The following PPCS variants were observed in gnomAD, a reference collection of about 807,000 sequenced individuals.
PPCS encodes the protein phosphopantothenoylcysteine synthetase.
PPCS carries 17 observed loss-of-function variants against 24.6 expected under a neutral mutation model. The observed-to-expected ratio is 0.69, with a 90% CI of 0.47 to 1.04. The LOEUF is 1.04. PPCS is among the 50% of genes least tolerant of loss of function. The pLI is 0.00. For synonymous variants in PPCS, 190 were observed against 168.3 expected, an observed-to-expected ratio of 1.13 and a Z score of -1.00; for missense variants, 360 against 402.8, an observed-to-expected ratio of 0.89 and a Z score of 0.91.
chr1:42,473,123 GA>G (rs1643823030), exon 3 of PPCS: 2 of 1,227,910 alleles, frequency 1.6e-6, no homozygotes, highest in Non-Finnish European at 2.0e-6. Flanking sequence ...TCTATCAAGG[GA>G]AAAGTTCAGT....
rs763038291 is a variant in PPCS at position 42,459,767 on chromosome 1, C to T, written c.777C>T (p.Ile259=). The T allele has an allele frequency of 1.2e-6, 2 of 1,614,028 alleles. No individual in the cohort carries two copies. Among genetic ancestry groups the T allele is most frequent in the African/African-American group, 2.7e-5 (2 of 74,896 alleles). Residue 259 remains isoleucine (I), a synonymous_variant, in exon 3 of 3, where the codon ATC becomes ATT. Coordinates refer to ENST00000372561, the MANE Select transcript of PPCS (RefSeq NM_024664.4). ...AGCATCAAGTGGTGGTGGCTAATATCCTTGAGTCACGACAGTCCTTTGTGT... is the reference window on the plus strand; with the variant it reads ...AGCATCAAGTGGTGGTGGCTAATATTCTTGAGTCACGACAGTCCTTTGTGT... ...IYQHQVVVAN[I]LESRQSFVFI...
Position 42,457,290 on chromosome 1 carries a change from C to T in PPCS, c.552C>T (p.Phe184=), listed in dbSNP as rs1406637444. The change falls in exon 2 of 3, where the codon TTC becomes TTT. Residue 184 remains phenylalanine (F), a synonymous_variant. Coordinates refer to ENST00000372561, the MANE Select transcript of PPCS (RefSeq NM_024664.4). ...ACCTGGCTGCGGCTGTGTCAGATTT[C>T]TATGTTCCTGTCTCTGAAATGCCTG... ...MFYLAAAVSD[F]YVPVSEMPEH... The T allele has an allele frequency of 7.4e-6, 12 of 1,614,094 alleles. No homozygotes were observed. The highest frequency in any genetic ancestry group is 3.3e-5 in the Admixed American group (2 of 60,008).
Position 42,460,973 on chromosome 1 carries a change from A to G in PPCS, c.*1047A>G, listed in dbSNP as rs979003921. Among the ~76,000 whole-genome samples, 5 of 152,222 alleles carry G rather than the reference A, an allele frequency of 3.3e-5. No individual in the cohort carries two copies. On this transcript the variant is annotated 3_prime_UTR_variant, in exon 3 of 3. Transcript: ENST00000372561. ...CTTGAGAATCTTTGAAAAACTTTCA[A>G]TACTTCTCTTGCTGTCCTACGTTTT...
intron 2 of PPCS, among the ~76,000 whole-genome samples, chr1:42,470,354 A>G (rs954481933): frequency 1.3e-5 from 2 of 152,080 alleles, no homozygotes; most frequent in African/African-American, 2.4e-5. Context: ...TAAGACCTGC[A>G]TTGCTGGTAG....
At chr1:42,461,675 T>C (rs1643416126), downstream of PPCS, among the ~76,000 whole-genome samples, 1 of 152,038 alleles carries the variant, frequency 6.6e-6, no homozygotes, top group Non-Finnish European at 1.5e-5. Context: ...GCCTCCCTAG[T>C]AGCTGGGACT....
chr1:42,471,129 T>C (rs1431562786), intron 2 of PPCS, among the ~76,000 whole-genome samples: 1 of 152,172 alleles, frequency 6.6e-6, no homozygotes, highest in African/African-American at 2.4e-5. Context: ...TAAAGATCAC[T>C]GGCTTTGGGA....
Position 42,456,661 on chromosome 1 carries a change from G to C in PPCS, c.96G>C (p.Ala32=). The C allele has an allele frequency of 6.2e-7, 1 of 1,600,088 alleles. No homozygotes were observed. The highest frequency in any genetic ancestry group is 8.5e-7 in the Non-Finnish European group (1 of 1,175,502). The change falls in exon 1 of 3, where the codon GCG becomes GCC. Residue 32 remains alanine, a synonymous_variant. Coordinates refer to ENST00000372561, the MANE Select transcript of PPCS (RefSeq NM_024664.4). The part of the protein sequence containing the change: ...VMARFAARLG[A]QGRRVVLVTS... ...CTCGCTTCGCGGCCAGGCTGGGCGC[G>C]CAGGGCCGGCGGGTGGTGTTGGTTA...
In PPCS at chr1:42,459,658, C is replaced by A. The variant is rs1374120878; in HGVS notation, c.668C>A (p.Pro223His). The change falls in exon 3 of 3, where the codon CCC becomes CAC. Residue 223 changes from proline to histidine, a missense_variant. Physicochemically the swap from Pro to His is moderately conservative, Grantham distance 77. Around this residue, in one of 2 missense-constraint regions of PPCS, gnomAD observed 116 missense variants for 168.1 expected, o/e 0.69. Coordinates refer to ENST00000372561, the MANE Select transcript of PPCS (RefSeq NM_024664.4). ...LLSPLVKDWA[P>H]KAFIISFKLE... The stretch of plus-strand genomic sequence containing the variant: ...TCTCCTTTGGTTAAAGATTGGGCTC[C>A]CAAAGCATTTATAATTTCCTTTAAG... The A allele has an allele frequency of 1.9e-6, 3 of 1,614,100 alleles. No individual in the cohort carries two copies. In the East Asian group the frequency reaches 6.7e-5, roughly 36 times the overall value.
chr1:42,456,744 TC>T lies in PPCS; in HGVS notation c.180del (p.Phe60LeufsTer15). The T allele has an allele frequency of 6.2e-7, 1 of 1,611,376 alleles. No individual in the cohort carries two copies. On this transcript the variant is annotated frameshift_variant, in exon 1 of 3. Coordinates refer to ENST00000372561, the MANE Select transcript of PPCS (RefSeq NM_024664.4). LOFTEE classifies it high-confidence loss of function. ...EARPVRFLDNFSSGRRGATSA... is the reference protein window; with the variant it reads ...EARPVRFLDNXSSGRRGATSA... ...CGGCCGGTGCGCTTCCTGGACAACT[TC>T]AGCAGCGGGCGGCGCGGTGCAACCT...
At chr1:42,459,517 AAATTT>A (rs1643345751) in intron 2 of PPCS, 81 bp from the exon 3 acceptor site, 1 of 1,165,844 alleles carries the variant, frequency 8.6e-7, no homozygotes, top group African/African-American at 1.6e-5. Flanking sequence ...AATCCCACTT[AAATTT>A]AATTCCTTAG....
At position 42,456,643 on chromosome 1, in the gene PPCS, C is replaced by T. The variant is rs1163785310; in HGVS notation, c.78C>T (p.Phe26=). Residue 26 remains phenylalanine, a synonymous_variant, in exon 1 of 3, where the codon TTC becomes TTT. Coordinates refer to ENST00000372561, the MANE Select transcript of PPCS (RefSeq NM_024664.4). ...GCTGGGCTGAGGTTATGGCTCGCTT[C>T]GCGGCCAGGCTGGGCGCGCAGGGCC... is the stretch of plus-strand genomic sequence containing the variant. ...AARWAEVMAR[F]AARLGAQGRR... The T allele has an allele frequency of 1.3e-6, 2 of 1,578,252 alleles. No individual in the cohort carries two copies. Among genetic ancestry groups the T allele is most frequent in the African/African-American group, 2.7e-5 (2 of 74,478 alleles).
At position 42,461,037 on chromosome 1, in the gene PPCS, C is replaced by A. The variant is rs1316087541; in HGVS notation, c.*1111C>A. 6.6e-6 allele frequency among the ~76,000 whole-genome samples: 1 copy of A among 152,186 alleles called. No individual in the cohort carries two copies. The highest frequency in any genetic ancestry group is 6.5e-5 in the Admixed American group (1 of 15,278). ...ACAAGTAGCATAGTGCAAAAAAATT[C>A]CCTAAATGATCTGTAGGATAGTCCA... On this transcript the variant is annotated 3_prime_UTR_variant, in exon 3 of 3. Transcript: ENST00000372561.
Position 42,457,321 on chromosome 1 carries a change from A to T in PPCS, c.583A>T (p.Lys195Ter), listed in dbSNP as rs1358524947. 2 of 1,614,088 alleles carry T rather than the reference A, an allele frequency of 1.2e-6. No homozygotes were observed. The highest frequency in any genetic ancestry group is 2.7e-5 in the African/African-American group (2 of 74,930). Residue 195 changes from lysine (K) to a stop codon, truncating the protein, a stop_gained, in exon 2 of 3, where the codon AAG becomes TAG. Transcript: ENST00000372561. LOFTEE classifies it high-confidence loss of function. ...TCCTGTCTCTGAAATGCCTGAACAC[A>T]AGATCCAGTCATCTGGGGGCCCACT... ...YVPVSEMPEH[K>*]IQSSGGPLQI... is the part of the protein sequence containing the mutation.
rs745443265 is a variant in PPCS at position 42,456,593 on chromosome 1, T to G, written c.28T>G (p.Phe10Val). Residue 10 changes from phenylalanine to valine, a missense_variant, in exon 1 of 3, where the codon TTC (phenylalanine) becomes GTC (valine). Physicochemically the swap from Phe to Val is conservative, Grantham distance 50 (BLOSUM62 -1). Coordinates refer to ENST00000372561, the MANE Select transcript of PPCS (RefSeq NM_024664.4). Reference protein sequence around the residue: MAEMDPVAEFPQPPGAARWA... With the variant: MAEMDPVAEVPQPPGAARWA... ...GGCGGAAATGGATCCGGTAGCCGAG[T>G]TCCCCCAGCCTCCCGGTGCTGCGCG... 1.3e-6 allele frequency: 2 copies of G among 1,504,340 alleles called. No homozygotes were observed. The highest frequency in any genetic ancestry group is 1.4e-5 in the African/African-American group (1 of 71,074). The allele number at this position is 1,504,340 out of a possible 1,614,324, so 93.2% of individuals were successfully genotyped here.
chr1:42,459,335 G>A, intron 2 of PPCS: 1 of 394,572 alleles, frequency 2.5e-6, no homozygotes, highest in Non-Finnish European at 4.6e-6. Context: ...GCTAATTTTT[G>A]TATTTTTTTG....
At position 42,460,474 on chromosome 1, in the gene PPCS, G is replaced by A; in HGVS notation, c.*548G>A. ...TAGTAGGAAAGAAGGATACCTCCCT[G>A]AAGATAGATTGTAGAATGGTGAGCT... On this transcript the variant is annotated 3_prime_UTR_variant, in exon 3 of 3. Coordinates refer to ENST00000372561, the MANE Select transcript of PPCS (RefSeq NM_024664.4). 2.9e-6 allele frequency: 2 copies of A among 682,518 alleles called. No homozygotes were observed. The highest frequency in any genetic ancestry group is 3.6e-6 in the Non-Finnish European group (2 of 552,896). 42.3% of individuals were successfully genotyped at this position (682,518 alleles called of 1,614,324 possible). A position where few individuals can be genotyped will look rare whatever the true frequency, so the allele number is the denominator to read the frequency against.
Position 42,456,981 on chromosome 1 carries a change from C to T in PPCS, c.416C>T (p.Ala139Val). The T allele has an allele frequency of 6.2e-7, 1 of 1,602,946 alleles. No individual in the cohort carries two copies. Residue 139 changes from alanine to valine, a missense_variant, in exon 1 of 3, where the codon GCG (alanine) becomes GTG (valine). By Grantham distance (64) the Ala-to-Val change is moderately conservative. Coordinates refer to ENST00000372561, the MANE Select transcript of PPCS (RefSeq NM_024664.4). ...GCTCTGAGGAGCTACCAGGAGGCTG[C>T]GGCTGCAGGCACCTTCCTGGCAGTA... Reference protein sequence around the residue: ...AEALRSYQEAAAAGTFLAVEF... With the variant: ...AEALRSYQEAVAAGTFLAVEF...
downstream of PPCS, among the ~76,000 whole-genome samples, chr1:42,465,814 A>G (rs532551830): frequency 1.6e-4 from 24 of 152,296 alleles, no homozygotes; most frequent in African/African-American, 5.3e-4. Context: ...TCCATATCTT[A>G]ATATGCACAG....
At position 42,469,518 on chromosome 1, in the gene PPCS, T is replaced by A. The variant is rs145891534; in HGVS notation, n.378-3604T>A. Among the ~76,000 whole-genome samples, 38 of 152,230 alleles carry A rather than the reference T, an allele frequency of 2.5e-4. No individual in the cohort carries two copies. The East Asian group carries it at 6.6e-3, about 26-fold the overall frequency. ...GGTATATGGTGGGGCTAAAGGAAGGTTATTTCTTGTATCTTTAAGACCAGA... is the reference window on the plus strand; with the variant it reads ...GGTATATGGTGGGGCTAAAGGAAGGATATTTCTTGTATCTTTAAGACCAGA... On this transcript the variant is annotated intron_variant and non_coding_transcript_variant, in intron 2 of 2. Coordinates refer to the PPCS transcript ENST00000471420.
Sources: allele counts gnomAD v4.1 joint callset (sites outside exome capture counted in the v4.1 genomes callset), GRCh38; gene constraint gnomAD v4.1.1; regional missense constraint gnomAD v4.1.1; transcripts MANE v1.5; gene names NCBI Gene and HGNC (gene_info 2026-07-23, HGNC 2026-07-21).